Variants in ANKRD26 observed in about 807,000 individuals in gnomAD.
ANKRD26 encodes ankyrin repeat domain 26.
In ANKRD26, 141 loss-of-function variants were observed where a neutral mutation model predicts 208.7. The observed-to-expected ratio is 0.68, with a 90% CI of 0.59 to 0.78. The LOEUF is 0.78. ANKRD26 is among the 30% of genes least tolerant of loss of function. The pLI is 0.00. For synonymous variants in ANKRD26, 636 were observed against 660.4 expected, an observed-to-expected ratio of 0.96 and a Z score of 0.57; for missense variants, 1,889 against 1,938.7, an observed-to-expected ratio of 0.97 and a Z score of 0.48.
At chr10:27,042,798 C>CAAAAAAA (rs60850386) in intron 20 of ANKRD26, among the ~76,000 whole-genome samples, 4 of 48,950 alleles carry the variant, frequency 8.2e-5, no homozygotes, top group African/African-American at 1.4e-4. Context: ...CAAAAAAATA[C>CAAAAAAA]AAAAAAAAAA....
Position 27,017,600 on chromosome 10 carries a change from C to T in ANKRD26, c.4408G>A (p.Val1470Ile), listed in dbSNP as rs1170486325. Reference protein sequence around the residue: ...NLRSHIERNMVELGQVKQYKQ... With the variant: ...NLRSHIERNMIELGQVKQYKQ... ...TACTGTTTGACTTGACCAAGTTCTA[C>T]CATATTCCTTTCTATATGACTTCTC... The change falls in exon 30 of 34, where the codon GTA (valine) becomes ATA (isoleucine). Residue 1470 changes from valine to isoleucine, a missense_variant. Val to Ile is a conservative substitution (Grantham distance 29). This residue lies in a region of ANKRD26 where 613 missense variants were observed against 648.2 expected (regional missense o/e 0.95). Coordinates refer to ENST00000376087, the MANE Select transcript of ANKRD26 (RefSeq NM_014915.3). The T allele has an allele frequency of 4.3e-6, 7 of 1,613,512 alleles. No individual in the cohort carries two copies. In the Admixed American group the frequency reaches 5.0e-5, roughly 12 times the overall value.
chr10:27,062,100 C>G (rs994732029), intron 12 of ANKRD26: 1 of 985,322 alleles, frequency 1.0e-6, no homozygotes, highest in Non-Finnish European at 1.2e-6. Context: ...TCCCCACTCA[C>G]GATCTCTCTT....
chr10:27,039,720 TATTA>T (rs1471449586), intron 21 of ANKRD26, among the ~76,000 whole-genome samples: 1 of 152,198 alleles, frequency 6.6e-6, no homozygotes, highest in Non-Finnish European at 1.5e-5. Context: ...AAACTTACTG[TATTA>T]AATAATGAGT....
At chr10:26,962,411 C>G in the ANKRD26 span, among the ~76,000 whole-genome samples, 1 of 151,782 alleles carries the variant, frequency 6.6e-6, no homozygotes, top group East Asian at 1.9e-4. Flanking sequence ...CCTGTCTCTA[C>G]TAAAAATACA....
At chr10:26,976,974 T>C (rs940716344) in intron 5 of ANKRD26, among the ~76,000 whole-genome samples, 2 of 152,174 alleles carry the variant, frequency 1.3e-5, no homozygotes, top group African/African-American at 4.8e-5. Flanking sequence ...AGGCTCACCT[T>C]TAGACGATGA....
At chr10:26,951,923 T>C in the ANKRD26 span, among the ~76,000 whole-genome samples, 1 of 152,340 alleles carries the variant, frequency 6.6e-6, no homozygotes, top group Non-Finnish European at 1.5e-5. Context: ...TTTCCTACTA[T>C]AACCCAACCA....
chr10:27,071,568 ACT>A (rs1287580990), intron 9 of ANKRD26, among the ~76,000 whole-genome samples: 1 of 150,902 alleles, frequency 6.6e-6, no homozygotes, highest in Non-Finnish European at 1.5e-5. Flanking sequence ...TGTGACCAAG[ACT>A]CTCCCTCTTG....
chr10:27,056,829 CA>C (rs2054855946), intron 15 of ANKRD26, among the ~76,000 whole-genome samples: 2 of 152,042 alleles, frequency 1.3e-5, no homozygotes, highest in Admixed American at 1.3e-4. Context: ...TGAAGCCAAG[CA>C]AAGGTACTCT....
chr10:27,067,024 C>G (rs187299659), intron 10 of ANKRD26, 133 bp downstream of exon 10: 6 of 946,230 alleles, frequency 6.3e-6, no homozygotes, highest in Admixed American at 5.8e-5. Flanking sequence ...CTAGGCTGGT[C>G]TCGAACTCCT....
chr10:26,963,902 G>GTTTTTTTTTTTTT, the ANKRD26 span, among the ~76,000 whole-genome samples: 5 of 66,976 alleles, frequency 7.5e-5, 1 homozygote, highest in Admixed American at 1.4e-4. Flanking sequence ...ATGGTTGGTT[G>GTTTTTTTTTTTTT]GTTTTTTTTT....
intron 5 of ANKRD26, among the ~76,000 whole-genome samples, chr10:26,978,251 C>T (rs1589161070): frequency 6.6e-6 from 1 of 151,820 alleles, no homozygotes; most frequent in African/African-American, 2.4e-5. Context: ...AGGAGTGATC[C>T]ACCCACCTGC....
intron 29 of ANKRD26, among the ~76,000 whole-genome samples, chr10:27,019,638 G>A (rs1189783149): frequency 6.6e-6 from 1 of 152,066 alleles, no homozygotes; most frequent in African/African-American, 2.4e-5. Flanking sequence ...TTTAAATCTG[G>A]AGAAAAAACT....
chr10:27,021,116 C>T (rs7893874), intron 29 of ANKRD26, among the ~76,000 whole-genome samples: 14,494 of 152,252 alleles, frequency 0.095, 2,220 homozygotes, highest in African/African-American at 0.33. Context: ...ACAGATCCTG[C>T]ATTCTTGGAA....
chr10:27,009,337 G>C (rs903406475), intron 32 of ANKRD26, among the ~76,000 whole-genome samples: 18 of 152,324 alleles, frequency 1.2e-4, no homozygotes, highest in African/African-American at 3.8e-4. Context: ...TGGTTGGTGG[G>C]AAACTGGGAT....
intron 6 of ANKRD26, among the ~76,000 whole-genome samples, chr10:27,081,831 G>A (rs1564423557): frequency 2.0e-5 from 3 of 151,712 alleles, no homozygotes; most frequent in South Asian, 2.1e-4. Context: ...TCCGCCTCCC[G>A]GGTTCAAGCC....
intron 25 of ANKRD26, among the ~76,000 whole-genome samples, chr10:27,031,252 C>T (rs1488523272): frequency 2.0e-5 from 3 of 152,254 alleles, no homozygotes; most frequent in East Asian, 1.9e-4. Flanking sequence ...GAATGTTCAT[C>T]GCAGCATTAT....
At position 27,029,276 on chromosome 10, in the gene ANKRD26, T is replaced by G; in HGVS notation, c.3878+10A>C. 1 of 1,607,194 alleles carries G rather than the reference T, an allele frequency of 6.2e-7. No homozygotes were observed. The highest frequency in any genetic ancestry group is 1.1e-5 in the South Asian group (1 of 90,006). ...AATCATGTTTTTCTGTGTGCTGCTT[T>G]AAATTTTACTTTTGCTTGTGATCTT... On this transcript the variant is annotated intron_variant, in intron 26 of 33. Transcript: ENST00000376087.
intron 4 of ANKRD26, among the ~76,000 whole-genome samples, chr10:26,981,928 T>C (rs540215739): frequency 1.3e-5 from 2 of 152,280 alleles, no homozygotes; most frequent in Non-Finnish European, 2.9e-5. Flanking sequence ...TAGACCCTAA[T>C]TATGTTCCTC....
chr10:27,023,101 G>C (rs1048935004), intron 28 of ANKRD26, among the ~76,000 whole-genome samples: 2 of 152,206 alleles, frequency 1.3e-5, no homozygotes, highest in Admixed American at 6.5e-5. Flanking sequence ...GACCGAGCCA[G>C]GCGGATCACT....
Sources: allele counts gnomAD v4.1 joint callset (sites outside exome capture counted in the v4.1 genomes callset), GRCh38; gene constraint gnomAD v4.1.1; regional missense constraint gnomAD v4.1.1; transcripts MANE v1.5; gene names NCBI Gene and HGNC (gene_info 2026-07-23, HGNC 2026-07-21).